Variants in IKBKB-DT observed in about 807,000 individuals in gnomAD.
IKBKB-DT encodes IKBKB divergent transcript, also known as IKBKB antisense RNA.
At chr8:42,251,170 G>C (rs935104295) in intron 3 of IKBKB-DT, among the ~76,000 whole-genome samples, 3 of 152,190 alleles carry the variant, frequency 2.0e-5, no homozygotes, top group African/African-American at 7.2e-5. Context: ...AGAGACAAAA[G>C]ATCTCTCAGC....
chr8:42,252,773 G>T (rs1019087911), intron 3 of IKBKB-DT, among the ~76,000 whole-genome samples: 5 of 152,142 alleles, frequency 3.3e-5, no homozygotes, highest in African/African-American at 4.8e-5. Flanking sequence ...AATTCCAAAT[G>T]AATCATCATA....
At chr8:42,248,259 G>T (rs1048303958) in intron 3 of IKBKB-DT, among the ~76,000 whole-genome samples, 2 of 152,054 alleles carry the variant, frequency 1.3e-5, no homozygotes, top group African/African-American at 4.8e-5. Flanking sequence ...ACTAATATAG[G>T]TGGTAATGCT....
At chr8:42,243,109 G>A (rs1294001764) in intron 3 of IKBKB-DT, among the ~76,000 whole-genome samples, 1 of 152,140 alleles carries the variant, frequency 6.6e-6, no homozygotes, top group African/African-American at 2.4e-5. Context: ...GGTGGTCCTC[G>A]TGCCAGCTTA....
At chr8:42,235,108 C>T (rs886983413) in intron 3 of IKBKB-DT, among the ~76,000 whole-genome samples, 4 of 151,472 alleles carry the variant, frequency 2.6e-5, no homozygotes, top group Middle Eastern at 3.4e-3. Flanking sequence ...CATCACTACT[C>T]TAGAACCTAA....
rs150938434 is a variant in IKBKB-DT at position 42,238,946 on chromosome 8, C to T, written n.1530-5087G>A. Among the ~76,000 whole-genome samples, 837 of 152,162 alleles carry T rather than the reference C, an allele frequency of 5.5e-3. 18 individuals are homozygous for T. The highest frequency in any genetic ancestry group is 0.019 in the African/African-American group (791 of 41,512). On this transcript the variant is annotated intron_variant and non_coding_transcript_variant, in intron 3 of 3. Transcript: ENST00000518213. The stretch of plus-strand genomic sequence containing the variant: ...AATAAACTCCCATCCTTTTGCTTGG[C>T]GAGCTTTGAATTAATTAAACTCTTT...
rs140097517 is a variant in IKBKB-DT, at chr8:42,260,730, C to G, written n.1529+2599G>C. On this transcript the variant is annotated intron_variant and non_coding_transcript_variant, in intron 3 of 3. Coordinates refer to ENST00000518213, the Ensembl canonical transcript of IKBKB-DT. ...ATCCTATTATCAAATTCTCCTGGGA[C>G]AAACACTAAGTATTCTTGGCAATAT... 4.8e-3 allele frequency among the ~76,000 whole-genome samples: 711 copies of G among 147,130 alleles called. 12 individuals are homozygous for G. Among genetic ancestry groups the G allele is most frequent in the African/African-American group, 0.017 (681 of 39,822 alleles).
At chr8:42,236,302 C>T (rs558979220) in intron 3 of IKBKB-DT, among the ~76,000 whole-genome samples, 82 of 152,096 alleles carry the variant, frequency 5.4e-4, no homozygotes, top group African/African-American at 1.9e-3. Flanking sequence ...TGCCTGGCTA[C>T]TTCTTTTTCA....
chr8:42,252,867 G>T (rs560797559), intron 3 of IKBKB-DT, among the ~76,000 whole-genome samples: 1 of 152,120 alleles, frequency 6.6e-6, no homozygotes, highest in African/African-American at 2.4e-5. Flanking sequence ...GTATTGTGAC[G>T]TACTTTCCAA....
chr8:42,264,783 T>G (rs1410487441), intron 2 of IKBKB-DT, among the ~76,000 whole-genome samples: 2 of 151,048 alleles, frequency 1.3e-5, no homozygotes, highest in African/African-American at 4.9e-5. Flanking sequence ...GGTCTTGAAC[T>G]CCTGGCCTCA....
intron 3 of IKBKB-DT, among the ~76,000 whole-genome samples, chr8:42,245,556 T>G (rs1233862056): frequency 1.3e-5 from 2 of 152,176 alleles, no homozygotes; most frequent in Non-Finnish European, 2.9e-5. Flanking sequence ...GTAACGCAGG[T>G]TCTGTCTGAA....
intron 1 of IKBKB-DT, among the ~76,000 whole-genome samples, chr8:42,269,689 C>A (rs762273249): frequency 6.6e-6 from 1 of 151,718 alleles, no homozygotes; most frequent in Non-Finnish European, 1.5e-5. Context: ...GGGGAGAAAC[C>A]GAGCAGCCAG....
chr8:42,240,719 G>A (rs1806990877), intron 3 of IKBKB-DT, among the ~76,000 whole-genome samples: 1 of 149,902 alleles, frequency 6.7e-6, no homozygotes, highest in Non-Finnish European at 1.5e-5. Flanking sequence ...GCTCATGCCT[G>A]TAATCCCAGC....
At chr8:42,260,093 G>C (rs1456858212) in intron 3 of IKBKB-DT, among the ~76,000 whole-genome samples, 2 of 152,078 alleles carry the variant, frequency 1.3e-5, no homozygotes, top group Non-Finnish European at 2.9e-5. Context: ...AGAGGTTGTA[G>C]GGGAGCCAGA....
At chr8:42,251,828 C>CAAAAAAAAAAAAAAAAAAAA (rs59420104) in intron 3 of IKBKB-DT, among the ~76,000 whole-genome samples, 10 of 91,454 alleles carry the variant, frequency 1.1e-4, no homozygotes, top group African/African-American at 3.9e-4. Context: ...GACTCCATCT[C>CAAAAAAAAAAAAAAAAAAAA]AAAAAAAAAA....
intron 2 of IKBKB-DT, chr8:42,265,561 C>T (rs1160621526): frequency 6.6e-6 from 1 of 152,236 alleles, no homozygotes; most frequent in Admixed American, 6.6e-5. Flanking sequence ...AGCTGCAACA[C>T]AGCCCATGGG....
chr8:42,249,411 A>G (rs561984573), intron 3 of IKBKB-DT: 1 of 137,326 alleles, frequency 7.3e-6, no homozygotes, highest in Non-Finnish European at 1.5e-5. Flanking sequence ...ATATGCATGT[A>G]TATATATGTG....
intron 3 of IKBKB-DT, among the ~76,000 whole-genome samples, chr8:42,235,205 CTT>C (rs746414963): frequency 1.0e-5 from 1 of 99,390 alleles, no homozygotes; most frequent in Non-Finnish European, 2.0e-5. Flanking sequence ...CTTTTATTTT[CTT>C]TTTTTTTTTT....
chr8:42,246,976 C>T (rs1361612363), intron 3 of IKBKB-DT, among the ~76,000 whole-genome samples: 1 of 152,190 alleles, frequency 6.6e-6, no homozygotes, highest in Non-Finnish European at 1.5e-5. Context: ...GGTTCCTGCT[C>T]CTAGGAGAAT....
At chr8:42,252,981 G>A (rs551535599) in intron 3 of IKBKB-DT, among the ~76,000 whole-genome samples, 14 of 152,234 alleles carry the variant, frequency 9.2e-5, no homozygotes, top group African/African-American at 2.6e-4. Context: ...TGTCCTTTGT[G>A]GGGGAAAATT....
Sources: gnomAD v4.1 joint callset for allele counts (sites outside exome capture counted in the v4.1 genomes callset) on GRCh38, gnomAD v4.1.1 for gene constraint, MANE v1.5 for transcripts, NCBI Gene and HGNC (gene_info 2026-07-23, HGNC 2026-07-21) for gene names.